The following FOXN3 variants were observed in gnomAD, a reference collection of about 807,000 sequenced individuals.
FOXN3 encodes forkhead box protein N3.
Under a neutral mutation model 38.4 loss-of-function variants are expected in FOXN3, and 7 were observed. The ratio of observed to expected loss-of-function variants is 0.18; its 90% CI spans 0.10 to 0.34. FOXN3 has a LOEUF of 0.34. Ranked by LOEUF, FOXN3 falls within the 10% of genes least tolerant of loss-of-function variation. The pLI is 1.00. For synonymous variants in FOXN3, 230 were observed against 242.2 expected (o/e 0.95, Z 0.47); for missense variants, 456 against 613.4 (o/e 0.74, Z 2.71).
rs1887032780 is a variant in FOXN3, at chr14:89,158,713, A to G, written c.*3701T>C. On this transcript the variant is annotated 3_prime_UTR_variant, in exon 6 of 6. Coordinates refer to ENST00000557258, the MANE Select transcript of FOXN3 (RefSeq NM_005197.4). ...TAATAGGATAAAAATAACTGTTTAT[A>G]TGTATATCATTTAAGAAAAAAAAGA... The G allele has an allele frequency of 6.6e-6, 1 of 152,632 alleles. No individual in the cohort carries two copies. Among genetic ancestry groups the G allele is most frequent in the Non-Finnish European group, 1.5e-5 (1 of 68,052 alleles). 9.5% of individuals were successfully genotyped at this position (152,632 alleles called of 1,614,324 possible). A position where few individuals can be genotyped will look rare whatever the true frequency, so the allele number is the denominator to read the frequency against.
At chr14:89,263,052 A>G (rs765457005) in intron 4 of FOXN3, among the ~76,000 whole-genome samples, 11 of 152,182 alleles carry the variant, frequency 7.2e-5, no homozygotes, top group African/African-American at 2.4e-4. Context: ...TAAATCTCCA[A>G]AGTTTTCAAG....
intron 3 of FOXN3, among the ~76,000 whole-genome samples, chr14:89,325,116 G>A (rs369444010): frequency 1.4e-4 from 21 of 152,056 alleles, no homozygotes; most frequent in African/African-American, 3.9e-4. Context: ...ACTACACAGC[G>A]GACAGCATAG....
chr14:89,166,183 ATGT>A (rs1044572065), intron 5 of FOXN3, among the ~76,000 whole-genome samples: 4 of 152,308 alleles, frequency 2.6e-5, no homozygotes, highest in Non-Finnish European at 5.9e-5. Flanking sequence ...CAAAGCAATG[ATGT>A]TAAACGTGAG....
intron 4 of FOXN3, among the ~76,000 whole-genome samples, chr14:89,184,376 A>G (rs116999348): frequency 2.6e-5 from 4 of 152,320 alleles, no homozygotes; most frequent in Non-Finnish European, 4.4e-5. Flanking sequence ...CCATCTGCCA[A>G]TCAAGGAAGA....
intron 1 of FOXN3, among the ~76,000 whole-genome samples, chr14:89,413,823 A>G (rs1414039256): frequency 7.9e-6 from 1 of 127,256 alleles, no homozygotes; most frequent in Non-Finnish European, 1.6e-5. Context: ...AGAAGGGAAA[A>G]GGAAGGGAAG....
intron 1 of FOXN3, among the ~76,000 whole-genome samples, chr14:89,505,316 TGATGCC>T (rs990474556): frequency 3.8e-5 from 5 of 130,174 alleles, no homozygotes; most frequent in African/African-American, 1.4e-4. Flanking sequence ...GGTCTCCCTC[TGATGCC>T]GAGCCGAGGC....
At chr14:89,415,543 C>A (rs1335627598) in intron 1 of FOXN3, among the ~76,000 whole-genome samples, 2 of 130,568 alleles carry the variant, frequency 1.5e-5, no homozygotes. Flanking sequence ...TTTATACCAA[C>A]AGGGTGAAGA....
intron 1 of FOXN3, among the ~76,000 whole-genome samples, chr14:89,517,935 T>C (rs111471810): frequency 0.019 from 2,927 of 152,308 alleles, 99 homozygotes; most frequent in African/African-American, 0.067. Context: ...ACTCTGCTGG[T>C]ACCAAACTCA....
At chr14:89,588,284 C>T (rs1403580697) in intron 1 of FOXN3, among the ~76,000 whole-genome samples, 1 of 152,066 alleles carries the variant, frequency 6.6e-6, no homozygotes, top group Non-Finnish European at 1.5e-5. Context: ...ATCATGCTTC[C>T]TGTACAGCCT....
intron 2 of FOXN3, among the ~76,000 whole-genome samples, chr14:89,390,827 G>T (rs2140076966): frequency 6.6e-6 from 1 of 152,266 alleles, no homozygotes; most frequent in East Asian, 1.9e-4. Context: ...GCAGGACTAA[G>T]ACCCTCTCTA....
intron 5 of FOXN3, among the ~76,000 whole-genome samples, chr14:89,178,111 G>T (rs904302942): frequency 2.6e-5 from 4 of 152,028 alleles, no homozygotes; most frequent in African/African-American, 9.7e-5. Flanking sequence ...AGGCTCAAGG[G>T]ATCCTCCCAC....
Position 89,504,928 on chromosome 14 carries a change from A to G in FOXN3, c.-14-92438T>C, listed in dbSNP as rs138289615. On this transcript the variant is annotated intron_variant, in intron 1 of 6. Transcript: ENST00000345097. ...TCACCCAGGAACTTCTAAACCAGAC[A>G]TGAGCTTGTAATGAGTACTTTCTTC... Among the ~76,000 whole-genome samples the G allele has an allele frequency of 2.6e-3, 396 of 152,320 alleles. 6 individuals carry two copies. Among genetic ancestry groups the G allele is most frequent in the African/African-American group, 9.3e-3 (388 of 41,568 alleles).
At chr14:89,451,444 C>T (rs1221960486) in intron 1 of FOXN3, among the ~76,000 whole-genome samples, 1 of 152,238 alleles carries the variant, frequency 6.6e-6, no homozygotes, top group Admixed American at 6.5e-5. Flanking sequence ...CGTCGGTCAA[C>T]ATTTCTGGAA....
chr14:89,293,715 T>A (rs1481716593), intron 3 of FOXN3, among the ~76,000 whole-genome samples: 2 of 152,100 alleles, frequency 1.3e-5, no homozygotes, highest in Non-Finnish European at 2.9e-5. Context: ...TCTGAGGAAC[T>A]GGGAGTTAGG....
At chr14:89,341,309 G>A (rs548558115) in intron 3 of FOXN3, among the ~76,000 whole-genome samples, 6 of 152,196 alleles carry the variant, frequency 3.9e-5, no homozygotes, top group Non-Finnish European at 5.9e-5. Flanking sequence ...CTATAACTTC[G>A]ATCCATCAAG....
At chr14:89,431,991 A>G (rs1892169131) in intron 1 of FOXN3, among the ~76,000 whole-genome samples, 1 of 152,252 alleles carries the variant, frequency 6.6e-6, no homozygotes. Context: ...CTGGGATTAC[A>G]GGCGTGAGCC....
rs558657857 is a variant in FOXN3 at position 89,164,747 on chromosome 14, G to T, written c.852-1778C>A. 2.0e-5 allele frequency among the ~76,000 whole-genome samples: 3 copies of T among 152,302 alleles called. No homozygotes were observed. The highest frequency in any genetic ancestry group is 4.8e-5 in the African/African-American group (2 of 41,560). On this transcript the variant is annotated intron_variant, in intron 5 of 5. Transcript: ENST00000557258. This position sits in a 1 kb window ranked among gnomAD's most constrained non-coding sequence, Gnocchi z 4.3. ...CGCTGAGGATACGGCACTGGTAGAA[G>T]GGCTGTGGGGTCAGGACCACCAGTG... is the stretch of plus-strand genomic sequence containing the variant.
At chr14:89,475,004 T>C (rs1289373010) in intron 1 of FOXN3, among the ~76,000 whole-genome samples, 1 of 151,362 alleles carries the variant, frequency 6.6e-6, no homozygotes, top group Middle Eastern at 3.4e-3. Flanking sequence ...TTAGTAGAGA[T>C]GGAGTTTCAT....
At chr14:89,505,738 C>T (rs1465899340) in intron 1 of FOXN3, among the ~76,000 whole-genome samples, 8 of 151,488 alleles carry the variant, frequency 5.3e-5, no homozygotes, top group African/African-American at 1.9e-4. Flanking sequence ...GGCCGCCCAT[C>T]GTCTGGGATG....
Sources: gnomAD v4.1 joint callset for allele counts (sites outside exome capture counted in the v4.1 genomes callset) on GRCh38, gnomAD v4.1.1 for gene constraint, Gnocchi (gnomAD v3.1) non-coding constraint, MANE v1.5 for transcripts, NCBI Gene and HGNC (gene_info 2026-07-23, HGNC 2026-07-21) for gene names.